Variants in BCAS3 observed in about 807,000 individuals in gnomAD.
BCAS3 encodes BCAS3 microtubule associated cell migration factor, also known as BCAS4/BCAS3 fusion.
BCAS3 carries 53 observed loss-of-function variants against 116.1 expected under a neutral mutation model. The ratio of observed to expected loss-of-function variants is 0.46; its 90% CI spans 0.37 to 0.57. BCAS3 has a LOEUF of 0.57. Among genes scored for constraint, BCAS3 ranks in the 20% least tolerant of loss-of-function variants. The pLI is 0.00. For synonymous variants in BCAS3, 391 were observed against 408.2 expected (o/e 0.96, Z 0.51); for missense variants, 917 against 1,165.4 (o/e 0.79, Z 3.10).
chr17:60,945,103 A>G (rs1011266675), intron 13 of BCAS3, among the ~76,000 whole-genome samples: 1 of 152,232 alleles, frequency 6.6e-6, no homozygotes, highest in Admixed American at 6.5e-5. Context: ...TGCAGGAAAC[A>G]TACATTGTCA....
Position 61,023,805 on chromosome 17 carries a change from C to G in BCAS3, c.1637+7904C>G, listed in dbSNP as rs2066036915. On this transcript the variant is annotated intron_variant, in intron 16 of 23. Coordinates refer to ENST00000407086, the MANE Select transcript of BCAS3 (RefSeq NM_017679.5). The surrounding 1 kb of genome is among the most constrained non-coding windows in gnomAD (Gnocchi z 4.8). ...TGTAATATTTCTGGATTTTTAGTCT[C>G]TTGACCAGATTTTCCTGAGATTTGA... Among the ~76,000 whole-genome samples, 1 of 152,068 alleles carries G rather than the reference C, an allele frequency of 6.6e-6. No homozygotes were observed. The highest frequency in any genetic ancestry group is 2.4e-5 in the African/African-American group (1 of 41,406).
intron 19 of BCAS3, among the ~76,000 whole-genome samples, chr17:61,055,340 G>A (rs1032068660): frequency 6.6e-6 from 1 of 152,194 alleles, no homozygotes; most frequent in East Asian, 1.9e-4. Flanking sequence ...ATTTGTATTT[G>A]TCTATCAGAG....
At chr17:61,291,119 C>T (rs904610906) in intron 22 of BCAS3, among the ~76,000 whole-genome samples, 1 of 152,164 alleles carries the variant, frequency 6.6e-6, no homozygotes, top group Non-Finnish European at 1.5e-5. Context: ...GAACCAAGTC[C>T]ATTTTGTGTT....
chr17:60,846,766 C>T (rs564695174), intron 7 of BCAS3, among the ~76,000 whole-genome samples: 1 of 152,088 alleles, frequency 6.6e-6, no homozygotes, highest in East Asian at 1.9e-4. Flanking sequence ...TGCCTCCCTC[C>T]CTTCATTCCT....
At chr17:60,715,738 C>T (rs1459379322) in intron 5 of BCAS3, among the ~76,000 whole-genome samples, 1 of 152,160 alleles carries the variant, frequency 6.6e-6, no homozygotes, top group Non-Finnish European at 1.5e-5. Context: ...CTGCCTCAGC[C>T]TCCCAAAGTG....
chr17:60,963,835 G>A (rs930529353), intron 14 of BCAS3, among the ~76,000 whole-genome samples: 2 of 152,178 alleles, frequency 1.3e-5, no homozygotes, highest in Non-Finnish European at 2.9e-5. Flanking sequence ...GATTACAGGC[G>A]TGAGCCACCA....
In BCAS3 at chr17:61,208,765, C is replaced by G. The variant is rs974402780; in HGVS notation, c.2425+124201C>G. On this transcript the variant is annotated intron_variant, in intron 22 of 23. Transcript: ENST00000407086. This position sits in a 1 kb window ranked among gnomAD's most constrained non-coding sequence, Gnocchi z 4.5. ...TTTTCCTGTTTAAAATACAGCTGCC[C>G]CTGCAGTAGAGCCCTTGTCAGCTCG... 6.6e-6 allele frequency among the ~76,000 whole-genome samples: 1 copy of G among 152,056 alleles called. No individual in the cohort carries two copies. The highest frequency in any genetic ancestry group is 2.4e-5 in the African/African-American group (1 of 41,382).
chr17:61,086,190 G>A (rs2073077100), intron 22 of BCAS3, among the ~76,000 whole-genome samples: 1 of 152,226 alleles, frequency 6.6e-6, no homozygotes, highest in Non-Finnish European at 1.5e-5. Flanking sequence ...CCAGGTTCAA[G>A]CAATTCTCCT....
intron 6 of BCAS3, among the ~76,000 whole-genome samples, chr17:60,776,601 C>T (rs1229226537): frequency 1.3e-5 from 2 of 151,896 alleles, no homozygotes; most frequent in African/African-American, 4.8e-5. Flanking sequence ...CACCTGTAAT[C>T]CCAGCTACTC....
chr17:60,820,316 A>G (rs1245744583), intron 7 of BCAS3, among the ~76,000 whole-genome samples: 1 of 152,124 alleles, frequency 6.6e-6, no homozygotes, highest in Non-Finnish European at 1.5e-5. Context: ...AAGTGCTGGG[A>G]TTACAGGCGT....
intron 7 of BCAS3, chr17:60,811,171 G>T: frequency 1.5e-6 from 1 of 653,228 alleles, no homozygotes; most frequent in East Asian, 3.2e-5. Context: ...CCTGCAGATG[G>T]GGCAGATCCT....
At position 61,359,495 on chromosome 17, in the gene BCAS3, G is replaced by GT. The variant is rs1319569481; in HGVS notation, c.2426-8828dup. 3.8e-4 allele frequency among the ~76,000 whole-genome samples: 16 copies of GT among 42,192 alleles called. No homozygotes were observed. In the South Asian group the frequency reaches 0.023, roughly 62 times the overall value. 27.7% of individuals were successfully genotyped at this position (42,192 alleles called of 152,430 possible). A position where few individuals can be genotyped will look rare whatever the true frequency, so the allele number is the denominator to read the frequency against. Reference sequence around the variant, plus strand: ...TTGGTTAACATCAGGTTACTTCAAGGTTTTGTTTTTTTTTTTTGAGACGGA... The same window carrying GT: ...TTGGTTAACATCAGGTTACTTCAAGGTTTTTGTTTTTTTTTTTTGAGACGGA... On this transcript the variant is annotated intron_variant, in intron 22 of 23. Transcript: ENST00000407086.
chr17:61,014,198 CAT>C (rs2065290968), intron 15 of BCAS3, among the ~76,000 whole-genome samples: 2 of 151,988 alleles, frequency 1.3e-5, no homozygotes, highest in African/African-American at 4.8e-5. Flanking sequence ...ATAAAATTAA[CAT>C]TAAGTCAATA....
In BCAS3 at chr17:61,348,939, A is replaced by G. The variant is rs1210000134; in HGVS notation, c.2426-19388A>G. Reference sequence around the variant, plus strand: ...GGCTAACTTTTTGTATTTTTGGTAGAGATGGGGTTTCACCGTGTTAGCCAG... The same window carrying G: ...GGCTAACTTTTTGTATTTTTGGTAGGGATGGGGTTTCACCGTGTTAGCCAG... On this transcript the variant is annotated intron_variant, in intron 22 of 23. Coordinates refer to ENST00000407086, the MANE Select transcript of BCAS3 (RefSeq NM_017679.5). This position sits in a 1 kb window ranked among gnomAD's most constrained non-coding sequence, Gnocchi z 4.5. Among the ~76,000 whole-genome samples, 2 of 151,762 alleles carry G rather than the reference A, an allele frequency of 1.3e-5. No homozygotes were observed. Among genetic ancestry groups the G allele is most frequent in the East Asian group, 3.9e-4 (2 of 5,136 alleles).
In BCAS3 at chr17:61,333,127, C is replaced by CA. The variant is rs1484562138; in HGVS notation, c.2426-35199dup. Among the ~76,000 whole-genome samples the CA allele has an allele frequency of 6.6e-6, 1 of 152,226 alleles. No homozygotes were observed. The highest frequency in any genetic ancestry group is 1.5e-5 in the Non-Finnish European group (1 of 68,038). On this transcript the variant is annotated intron_variant, in intron 22 of 23. Transcript: ENST00000407086. The surrounding 1 kb of genome is among the most constrained non-coding windows in gnomAD (Gnocchi z 4.8). ...AGGTGCTTTCTCCCTGGACCCCACT[C>CA]ACACCTATTTCTGGACCTTTATTGG...
intron 16 of BCAS3, chr17:61,027,407 A>G (rs762983784): frequency 1.3e-5 from 6 of 446,546 alleles, no homozygotes; most frequent in Non-Finnish European, 2.7e-5. Flanking sequence ...AAGGAGCTAC[A>G]TAATGACAAA....
chr17:60,988,930 T>TA (rs2063348389), intron 14 of BCAS3, among the ~76,000 whole-genome samples: 1 of 152,138 alleles, frequency 6.6e-6, no homozygotes, highest in Non-Finnish European at 1.5e-5. Context: ...ATTTTGGGAT[T>TA]GGGTTCCTCT....
Position 61,217,939 on chromosome 17 carries a change from A to G in BCAS3, c.2425+133375A>G, listed in dbSNP as rs915132224. Among the ~76,000 whole-genome samples the G allele has an allele frequency of 3.3e-5, 5 of 152,190 alleles. No homozygotes were observed. Among genetic ancestry groups the G allele is most frequent in the African/African-American group, 1.2e-4 (5 of 41,456 alleles). On this transcript the variant is annotated intron_variant, in intron 22 of 23. Coordinates refer to ENST00000407086, the MANE Select transcript of BCAS3 (RefSeq NM_017679.5). This position sits in a 1 kb window ranked among gnomAD's most constrained non-coding sequence, Gnocchi z 5.2. The stretch of plus-strand genomic sequence containing the variant: ...TTCATGCTTTTGAATGAGTTCTGTT[A>G]CAACAGATCACTGATAATTTAGTGG...
chr17:60,699,928 C>T (rs1233208536), intron 4 of BCAS3, among the ~76,000 whole-genome samples: 1 of 151,018 alleles, frequency 6.6e-6, no homozygotes, highest in East Asian at 1.9e-4. Flanking sequence ...AATCTCAGCA[C>T]TTTGGAAGGC....
Sources: gnomAD v4.1 joint callset for allele counts (sites outside exome capture counted in the v4.1 genomes callset) on GRCh38, gnomAD v4.1.1 for gene constraint, Gnocchi (gnomAD v3.1) non-coding constraint, MANE v1.5 for transcripts, NCBI Gene and HGNC (gene_info 2026-07-23, HGNC 2026-07-21) for gene names.